The following OSMR variants were observed in gnomAD, a reference collection of about 807,000 sequenced individuals.
The protein encoded by OSMR is oncostatin M receptor.
In OSMR, 81 loss-of-function variants were observed where a neutral mutation model predicts 99.9. The ratio of observed to expected loss-of-function variants is 0.81; its 90% CI spans 0.68 to 0.97. The LOEUF (loss-of-function observed/expected upper bound fraction) is 0.97. Among genes scored for constraint, OSMR ranks in the 50% least tolerant of loss-of-function variants. OSMR has a pLI of 0.00. For missense variants in OSMR, 1,099 were observed against 1,153.4 expected, an observed-to-expected ratio of 0.95 and a Z score of 0.68; for synonymous variants, 406 against 410.4, an observed-to-expected ratio of 0.99 and a Z score of 0.13.
chr5:38,885,944 A>C lies in OSMR; in HGVS notation c.840-95A>C, dbSNP rs1743708706. 2.0e-6 allele frequency: 3 copies of C among 1,534,238 alleles called. No homozygotes were observed. In the African/African-American group the frequency reaches 4.2e-5, roughly 21 times the overall value. On this transcript the variant is annotated intron_variant, in intron 6 of 17. Transcript: ENST00000274276. ...GCCATTATGGGGAACATAGTTTGAC[A>C]GTCACTGAGTATGCCCTGAGGGATA... is the stretch of plus-strand genomic sequence containing the variant.
chr5:38,872,852 A>G (rs1181501239), intron 2 of OSMR, among the ~76,000 whole-genome samples: 2 of 152,234 alleles, frequency 1.3e-5, no homozygotes, highest in Admixed American at 6.5e-5. Context: ...GGAAAATCCA[A>G]TAAAAATATA....
intron 1 of OSMR, among the ~76,000 whole-genome samples, chr5:38,857,816 T>C (rs1740974864): frequency 6.6e-6 from 1 of 151,980 alleles, no homozygotes; most frequent in Admixed American, 6.6e-5. Flanking sequence ...TATGGAGGCG[T>C]GCCACCATGC....
At chr5:38,880,027 T>A (rs1255635241) in intron 3 of OSMR, among the ~76,000 whole-genome samples, 4 of 152,072 alleles carry the variant, frequency 2.6e-5, no homozygotes, top group Non-Finnish European at 5.9e-5. Context: ...AGTAAAGTAA[T>A]GCAAGAAATG....
rs58159819 is a variant in OSMR, at chr5:38,898,950, C to CTTTTTTTTTTTTTTTTTTTTTTTTT, written c.992-4908_992-4907insTTTTTTTTTTTTTTTTTTTTTTTTT. ...TTTGTTGTTTCTATTTACATAATAT[C>CTTTTTTTTTTTTTTTTTTTTTTTTT]TTTTTTTTTTTTTTTTTTTTTTTTG... On this transcript the variant is annotated intron_variant, in intron 7 of 17. Coordinates refer to ENST00000274276, the MANE Select transcript of OSMR (RefSeq NM_003999.3). Among the ~76,000 whole-genome samples the CTTTTTTTTTTTTTTTTTTTTTTTTT allele has an allele frequency of 1.7e-4, 13 of 78,288 alleles. 2 individuals carry two copies. The highest frequency in any genetic ancestry group is 7.5e-4 in the African/African-American group (12 of 15,980). 51.4% of individuals were successfully genotyped at this position (78,288 alleles called of 152,430 possible). A position where few individuals can be genotyped will look rare whatever the true frequency, so the allele number is the denominator to read the frequency against.
chr5:38,883,185 C>T (rs551388148), intron 4 of OSMR, among the ~76,000 whole-genome samples: 1 of 152,228 alleles, frequency 6.6e-6, no homozygotes, highest in South Asian at 2.1e-4. Context: ...TGTGGTGGCA[C>T]ATGCCTGTAG....
intron 15 of OSMR, among the ~76,000 whole-genome samples, chr5:38,925,642 T>C (rs1350365042): frequency 6.6e-6 from 1 of 152,196 alleles, no homozygotes; most frequent in Non-Finnish European, 1.5e-5. Context: ...CTTGAGACAA[T>C]TCTCTGGAAC....
At position 38,852,413 on chromosome 5, in the gene OSMR, A is replaced by G. The variant is rs114718756; in HGVS notation, c.-14+6026A>G. Among the ~76,000 whole-genome samples, 841 of 152,324 alleles carry G rather than the reference A, an allele frequency of 5.5e-3. 6 individuals are homozygous for G. Among genetic ancestry groups the G allele is most frequent in the Non-Finnish European group, 7.7e-3 (522 of 68,026 alleles). Reference sequence around the variant, plus strand: ...CTCTGTAAGGTTGTATGCTTTGATCATTAGTGAGTCACAATGCTTATTTCT... The same window carrying G: ...CTCTGTAAGGTTGTATGCTTTGATCGTTAGTGAGTCACAATGCTTATTTCT... On this transcript the variant is annotated intron_variant, in intron 1 of 17. Transcript: ENST00000274276.
At chr5:38,909,173 A>G (rs1041268520) in intron 9 of OSMR, among the ~76,000 whole-genome samples, 2 of 152,218 alleles carry the variant, frequency 1.3e-5, no homozygotes, top group African/African-American at 4.8e-5. Context: ...GTTCTTCAAT[A>G]TAACTCAGTC....
chr5:38,905,123 AT>A (rs1203516470), intron 9 of OSMR, among the ~76,000 whole-genome samples: 1 of 152,160 alleles, frequency 6.6e-6, no homozygotes, highest in African/African-American at 2.4e-5. Context: ...ACTGTTGCCC[AT>A]TTTACAGATG....
At position 38,931,876 on chromosome 5, in the gene OSMR, C is replaced by A. The variant is rs945632821; in HGVS notation, c.2213-7C>A. 5 of 1,611,766 alleles carry A rather than the reference C, an allele frequency of 3.1e-6. No individual in the cohort carries two copies. Among genetic ancestry groups the A allele is most frequent in the South Asian group, 1.1e-5 (1 of 91,020 alleles). ...TTAAAAATGTCCCTTTCTTTTTCCTCGTTCAGCCTCGATGCTGATTCATAT... is the reference window on the plus strand; with the variant it reads ...TTAAAAATGTCCCTTTCTTTTTCCTAGTTCAGCCTCGATGCTGATTCATAT... On this transcript the variant is annotated splice_region_variant and splice_polypyrimidine_tract_variant and intron_variant, in intron 15 of 17. Coordinates refer to ENST00000274276, the MANE Select transcript of OSMR (RefSeq NM_003999.3).
chr5:38,876,804 G>T (rs1208200775), intron 3 of OSMR, among the ~76,000 whole-genome samples: 1 of 152,180 alleles, frequency 6.6e-6, no homozygotes, highest in Non-Finnish European at 1.5e-5. Context: ...CCTATACCCA[G>T]CTGAAGTGCA....
Position 38,924,490 on chromosome 5 carries a change from G to C in OSMR, c.1939G>C (p.Asp647His), listed in dbSNP as rs148077691. ...TSHSFTLSWK[D>H]YSTESQPGFI... ...CCACTCCTTCACTCTGAGTTGGAAA[G>C]ATTACTCTACTGAATCTCAACCTGG... Residue 647 changes from aspartate to histidine, a missense_variant, in exon 14 of 18, where the codon GAT (aspartate) becomes CAT (histidine). By Grantham distance (81) the Asp-to-His change is moderately conservative. Transcript: ENST00000274276. 37 of 1,613,940 alleles carry C rather than the reference G, an allele frequency of 2.3e-5. No homozygotes were observed. Among genetic ancestry groups the C allele is most frequent in the Non-Finnish European group, 2.9e-5 (34 of 1,179,926 alleles).
chr5:38,898,955 T>C (rs1477836588), intron 7 of OSMR, among the ~76,000 whole-genome samples: 2 of 122,492 alleles, frequency 1.6e-5, no homozygotes, highest in Non-Finnish European at 3.4e-5. Context: ...AATATCTTTT[T>C]TTTTTTTTTT....
At chr5:38,879,406 A>T (rs1183245928) in intron 3 of OSMR, among the ~76,000 whole-genome samples, 3 of 152,180 alleles carry the variant, frequency 2.0e-5, no homozygotes, top group African/African-American at 7.2e-5. Flanking sequence ...GCACAGCGGA[A>T]TGTGGTGGGG....
chr5:38,924,661 T>C, intron 14 of OSMR, 66 bp downstream of exon 14: 1 of 1,309,492 alleles, frequency 7.6e-7, no homozygotes, highest in Non-Finnish European at 1.1e-6. Flanking sequence ...TCATTTAAAA[T>C]AATGGCTGCC....
chr5:38,858,706 C>T (rs1741050312), intron 1 of OSMR, among the ~76,000 whole-genome samples: 2 of 152,092 alleles, frequency 1.3e-5, no homozygotes, highest in Admixed American at 1.3e-4. Flanking sequence ...TATAATGGCT[C>T]TTCTAATTTA....
intron 9 of OSMR, among the ~76,000 whole-genome samples, chr5:38,905,186 A>G (rs10040172): frequency 0.17 from 25,692 of 152,072 alleles, 2,334 homozygotes; most frequent in Middle Eastern, 0.26. Context: ...CAGTTACTGA[A>G]TGGTACAGAC....
Position 38,863,176 on chromosome 5 carries a change from GGGGAGA to G in OSMR, c.-13-5840_-13-5835del, listed in dbSNP as rs1227806936. Among the ~76,000 whole-genome samples the G allele has an allele frequency of 4.8e-3, 556 of 114,772 alleles. 3 individuals are homozygous for G. Among genetic ancestry groups the G allele is most frequent in the Non-Finnish European group, 6.1e-3 (338 of 54,966 alleles). 75.3% of individuals were successfully genotyped at this position (114,772 alleles called of 152,430 possible). ...ATGTAAAGAGGGAGAGGGAGACCGT[GGGGAGA>G]GGGAGAGGGAGAGGGGGAGGGGGAG... is the stretch of plus-strand genomic sequence containing the variant. On this transcript the variant is annotated intron_variant, in intron 1 of 17. Coordinates refer to ENST00000274276, the MANE Select transcript of OSMR (RefSeq NM_003999.3).
chr5:38,940,778 A>G (rs1266149290), intron 1 of OSMR: 1 of 232,112 alleles, frequency 4.3e-6, no homozygotes, highest in African/African-American at 2.2e-5. Context: ...ATTTTTTAAA[A>G]AAGTATCTCT....
Sources: allele counts gnomAD v4.1 joint callset (sites outside exome capture counted in the v4.1 genomes callset), GRCh38; gene constraint gnomAD v4.1.1; transcripts MANE v1.5; gene names NCBI Gene and HGNC (gene_info 2026-07-23, HGNC 2026-07-21).